Variants in TJP3 observed in about 807,000 individuals in gnomAD.
The protein encoded by TJP3 is tight junction protein 3, also known as tight junction protein ZO-3.
In TJP3, 85 loss-of-function variants were observed where a neutral mutation model predicts 104.2. The observed-to-expected ratio is 0.82, with a 90% CI of 0.68 to 0.98. The LOEUF is 0.98. TJP3 is among the 50% of genes least tolerant of loss of function. The pLI is 0.00. For synonymous variants in TJP3, 550 were observed against 550.6 expected (o/e 1.00, Z 0.02); for missense variants, 1,367 against 1,322.8 (o/e 1.03, Z -0.52).
rs776813425 is a variant in TJP3 at position 3,735,583 on chromosome 19, G to A, written c.1004G>A (p.Arg335Gln). The A allele has an allele frequency of 6.2e-6, 10 of 1,614,036 alleles. No homozygotes were observed. The East Asian group carries it at 8.9e-5, about 14-fold the overall frequency. ...TDSPVESPRLRRESSVDSRTI... is the reference protein window; with the variant it reads ...TDSPVESPRLQRESSVDSRTI... The stretch of plus-strand genomic sequence containing the variant: ...CCCACCAGGGAGAGTCCCCGGCTTC[G>A]GCGGGAAAGTTCAGTAGATTCCAGA... Residue 335 changes from arginine (R) to glutamine (Q), a missense_variant, in exon 9 of 21, where the codon CGG (arginine) becomes CAG (glutamine). Physicochemically the swap from Arg to Gln is conservative, Grantham distance 43. Transcript: ENST00000541714.
intron 14 of TJP3, among the ~76,000 whole-genome samples, chr19:3,742,989 C>T (rs1353068436): frequency 1.4e-5 from 2 of 138,474 alleles, no homozygotes; most frequent in African/African-American, 5.4e-5. Context: ...AAATAGGCCA[C>T]GTGCGGTGGC....
intron 1 of TJP3, among the ~76,000 whole-genome samples, chr19:3,725,706 A>AC (rs1362722877): frequency 1.3e-5 from 2 of 151,756 alleles, no homozygotes; most frequent in Non-Finnish European, 2.9e-5. Context: ...AAAAAAAAAA[A>AC]AAAAACTACA....
rs796913387 is a variant in TJP3 at position 3,746,202 on chromosome 19, C to G, written c.2010+121C>G. 1 of 1,088,160 alleles carries G rather than the reference C, an allele frequency of 9.2e-7. No individual in the cohort carries two copies. The highest frequency in any genetic ancestry group is 2.2e-5 in the Admixed American group (1 of 45,674). The allele number at this position is 1,088,160 out of a possible 1,614,324, so 67.4% of individuals were successfully genotyped here. On this transcript the variant is annotated intron_variant, in intron 16 of 20. Coordinates refer to ENST00000541714, the MANE Select transcript of TJP3 (RefSeq NM_001267560.2). The surrounding 1 kb of genome is among the most constrained non-coding windows in gnomAD (Gnocchi z 4.1). The stretch of plus-strand genomic sequence containing the variant: ...CCCACAAGTGCAGTCTTCCATAGAG[C>G]CCCTTTTGGAGGCTTTGTGAGGCAG...
chr19:3,710,533 C>G (rs516423), intron 1 of TJP3, among the ~76,000 whole-genome samples: 9 of 151,996 alleles, frequency 5.9e-5, no homozygotes, highest in African/African-American at 2.2e-4. Flanking sequence ...CCCTGAGTCC[C>G]GGGGAAAGTC....
intron 1 of TJP3, among the ~76,000 whole-genome samples, chr19:3,724,327 C>T (rs1271439958): frequency 6.6e-6 from 1 of 152,000 alleles, no homozygotes; most frequent in African/African-American, 2.4e-5. Flanking sequence ...TCCTGAGTAG[C>T]TGGGACTACA....
At chr19:3,713,716 A>C (rs574710300) in intron 1 of TJP3, among the ~76,000 whole-genome samples, 16 of 151,862 alleles carry the variant, frequency 1.1e-4, no homozygotes, top group African/African-American at 3.9e-4. Flanking sequence ...ATTATTATTT[A>C]TTTATTTCTT....
In TJP3 at chr19:3,730,816, G is replaced by A; in HGVS notation, c.613+110G>A. 8.3e-7 allele frequency: 1 copy of A among 1,211,542 alleles called. No individual in the cohort carries two copies. Among genetic ancestry groups the A allele is most frequent in the Non-Finnish European group, 1.1e-6 (1 of 889,392 alleles). 75.0% of individuals were successfully genotyped at this position (1,211,542 alleles called of 1,614,324 possible). On this transcript the variant is annotated intron_variant, in intron 5 of 20. Transcript: ENST00000541714. The surrounding 1 kb of genome is among the most constrained non-coding windows in gnomAD (Gnocchi z 7.3). ...CTGCCTCAGCCTCCCTGGTGGCTGG[G>A]ACTCCAGGCGCCCGCCACCATGCCT...
intron 1 of TJP3, among the ~76,000 whole-genome samples, chr19:3,727,561 A>C (rs1475195329): frequency 6.6e-6 from 1 of 152,036 alleles, no homozygotes; most frequent in African/African-American, 2.4e-5. Flanking sequence ...TCACTCATTA[A>C]TTCATTCAGC....
rs1410562017 is a variant in TJP3 at position 3,739,125 on chromosome 19, A to T, written c.1622A>T (p.Asn541Ile). The T allele has an allele frequency of 6.4e-7, 1 of 1,556,024 alleles. No homozygotes were observed. The highest frequency in any genetic ancestry group is 2.3e-5 in the East Asian group (1 of 43,954). ...GAGCAAGAGCGGGGCATCATTCCCAACCAGAGCAGGTGGGGACTGTGTGCT... is the reference window on the plus strand; with the variant it reads ...GAGCAAGAGCGGGGCATCATTCCCATCCAGAGCAGGTGGGGACTGTGTGCT... Reference protein sequence around the residue: ...LREQERGIIPNQSRAEQLASL... With the variant: ...LREQERGIIPIQSRAEQLASL... The change falls in exon 13 of 21, where the codon AAC becomes ATC. Residue 541 changes from asparagine to isoleucine, a missense_variant. Asn to Ile is a moderately radical substitution (Grantham distance 149). Coordinates refer to ENST00000541714, the MANE Select transcript of TJP3 (RefSeq NM_001267560.2).
intron 14 of TJP3, 141 bp downstream of exon 14, chr19:3,740,904 G>A (rs1376413430): frequency 1.6e-5 from 12 of 753,402 alleles, no homozygotes; most frequent in Middle Eastern, 4.4e-4. Context: ...ACTTTGGGAG[G>A]CCGAGGTAGG....
chr19:3,744,533 G>A (rs1196156335), intron 15 of TJP3, among the ~76,000 whole-genome samples: 8 of 151,880 alleles, frequency 5.3e-5, no homozygotes, highest in East Asian at 1.9e-4. Context: ...GTGTGGTGGC[G>A]CGTACCTGTA....
chr19:3,749,190 C>T (rs996279787), intron 19 of TJP3, among the ~76,000 whole-genome samples: 4 of 152,120 alleles, frequency 2.6e-5, no homozygotes, highest in African/African-American at 9.7e-5. Flanking sequence ...TTTAACCTCT[C>T]TGTGCACCTG....
rs142246771 is a variant in TJP3, at chr19:3,736,345, C to T, written c.1284+24C>T. The T allele has an allele frequency of 5.8e-4, 882 of 1,509,684 alleles. 9 individuals carry two copies. In the East Asian group the frequency reaches 0.015, roughly 26 times the overall value. 93.5% of individuals were successfully genotyped at this position (1,509,684 alleles called of 1,614,324 possible). On this transcript the variant is annotated intron_variant, in intron 11 of 20. Coordinates refer to ENST00000541714, the MANE Select transcript of TJP3 (RefSeq NM_001267560.2). ...AGGTGCTCCGGGGGCGGCTGGCCAG[C>T]CCCACTGATCATGGGCGTGCAGTGT... is the stretch of plus-strand genomic sequence containing the variant.
intron 1 of TJP3, among the ~76,000 whole-genome samples, chr19:3,722,551 C>G (rs940729486): frequency 2.2e-5 from 2 of 90,102 alleles, no homozygotes; most frequent in African/African-American, 4.4e-5. Context: ...GTGGGGTGAG[C>G]AAGCCGGCTG....
intron 1 of TJP3, 97 bp from the exon 2 acceptor site, chr19:3,728,327 T>C: frequency 6.3e-7 from 1 of 1,592,404 alleles, no homozygotes; most frequent in Non-Finnish European, 8.6e-7. Context: ...AACACAGGCC[T>C]GTCAGAGCTG....
rs781436363 is a variant in TJP3 at position 3,740,614 on chromosome 19, C to G, written c.1694C>G (p.Ser565Cys). ...GCCGTGGGAGTCGGGCCCGGCTCCT[C>G]CGCGGGCTCCAATGCTCGGGCCGAG... ...QRAVGVGPGS[S>C]AGSNARAEFW... Residue 565 changes from serine (S) to cysteine (C), a missense_variant, in exon 14 of 21, where the codon TCC becomes TGC. Ser to Cys is a moderately radical substitution (Grantham distance 112). Transcript: ENST00000541714. 1.9e-6 allele frequency: 3 copies of G among 1,576,924 alleles called. No individual in the cohort carries two copies. In the South Asian group the frequency reaches 3.5e-5, roughly 18 times the overall value.
chr19:3,722,690 T>G (rs1243058816), intron 1 of TJP3, among the ~76,000 whole-genome samples: 2 of 151,904 alleles, frequency 1.3e-5, no homozygotes, highest in Non-Finnish European at 2.9e-5. Context: ...TGCAGCGGTA[T>G]GCGGCCAGAC....
chr19:3,747,122 G>A (rs534406945), intron 18 of TJP3, among the ~76,000 whole-genome samples: 84 of 152,216 alleles, frequency 5.5e-4, no homozygotes, highest in Non-Finnish European at 2.9e-5. Context: ...GTACAGTGGT[G>A]TGATCTCAGC....
intron 1 of TJP3, 112 bp from the exon 2 acceptor site, chr19:3,728,312 C>A (rs2036623078): frequency 2.6e-6 from 4 of 1,554,052 alleles, no homozygotes; most frequent in Admixed American, 1.9e-5. Flanking sequence ...TTGTCACAGG[C>A]TCCAAACACA....
Sources: gnomAD v4.1 joint callset for allele counts (sites outside exome capture counted in the v4.1 genomes callset) on GRCh38, gnomAD v4.1.1 for gene constraint, Gnocchi (gnomAD v3.1) non-coding constraint, MANE v1.5 for transcripts, NCBI Gene and HGNC (gene_info 2026-07-23, HGNC 2026-07-21) for gene names.